The following CHD7 variants were observed in gnomAD, a reference collection of about 807,000 sequenced individuals.
CHD7 encodes the protein chromodomain helicase DNA binding protein 7.
CHD7 carries 24 observed loss-of-function variants against 307.3 expected under a neutral mutation model. The observed-to-expected ratio is 0.08, with a 90% CI of 0.06 to 0.11. The LOEUF is 0.11. Ranked by LOEUF, CHD7 falls within the 10% of genes least tolerant of loss-of-function variation. The pLI, the probability that CHD7 is intolerant of heterozygous loss-of-function variation, is 1.00. For synonymous variants in CHD7, 1,363 were observed against 1,349.9 expected (o/e 1.01, Z -0.21); for missense variants, 3,106 against 3,727.1 (o/e 0.83, Z 4.34).
intron 1 of CHD7, among the ~76,000 whole-genome samples, chr8:60,712,590 A>G (rs1276663829): frequency 6.6e-6 from 1 of 152,166 alleles, no homozygotes; most frequent in Admixed American, 6.5e-5. Flanking sequence ...GTAGTATAGT[A>G]TTTTATTTTA....
At chr8:60,795,250 A>C in intron 4 of CHD7, 123 bp downstream of exon 4, 1 of 910,260 alleles carries the variant, frequency 1.1e-6, no homozygotes, top group Non-Finnish European at 1.6e-6. Flanking sequence ...TCTTTATTGT[A>C]GTCTGGAACA....
intron 9 of CHD7, among the ~76,000 whole-genome samples, chr8:60,820,649 T>C (rs1315666525): frequency 1.3e-5 from 2 of 152,126 alleles, no homozygotes; most frequent in Non-Finnish European, 2.9e-5. Context: ...GACTTCTGAG[T>C]ATTGTGTCTT....
intron 1 of CHD7, among the ~76,000 whole-genome samples, chr8:60,729,562 A>G (rs1487666750): frequency 1.3e-5 from 2 of 152,170 alleles, no homozygotes; most frequent in Non-Finnish European, 2.9e-5. Context: ...TATAGTAGTT[A>G]AACTCATTAA....
Position 60,865,639 on chromosome 8 carries a change from G to A in CHD7, c.8700G>A (p.Pro2900=), listed in dbSNP as rs1320097712. Residue 2900 remains proline, a synonymous_variant, in exon 38 of 38, where the codon CCG becomes CCA. Transcript: ENST00000423902. The surrounding 1 kb of genome is among the most constrained non-coding windows in gnomAD (Gnocchi z 4.3). ...FNPFLLSTMA[P]GLFYPSMFLP... is the part of the protein sequence containing the mutation. ...CTTTCCTCCTGTCCACAATGGCCCC[G>A]GGCCTCTTCTACCCATCCATGTTTC... 15 of 1,611,556 alleles carry A rather than the reference G, an allele frequency of 9.3e-6. No homozygotes were observed. The highest frequency in any genetic ancestry group is 8.0e-5 in the African/African-American group (6 of 74,800).
rs3763591 is a variant in CHD7, at chr8:60,851,830, G to T, written c.5666-189G>T. Among the ~76,000 whole-genome samples the T allele has an allele frequency of 0.62, 94,943 of 151,988 alleles. 30,300 individuals are homozygous for T. Among genetic ancestry groups the T allele is most frequent in the East Asian group, 0.76 (3,929 of 5,178 alleles). On this transcript the variant is annotated intron_variant, in intron 28 of 37. Transcript: ENST00000423902. ...TAATGTTTTCATCCCCTCTAAGGAG[G>T]TAAAAAAGAAATAAGTGTATATATT...
At position 60,742,214 on chromosome 8, in the gene CHD7, C is replaced by G. The variant is rs750844697; in HGVS notation, c.782C>G (p.Ser261Cys). The change falls in exon 2 of 38, where the codon TCT (serine) becomes TGT (cysteine). Residue 261 changes from serine (S) to cysteine (C), a missense_variant. Coordinates refer to ENST00000423902, the MANE Select transcript of CHD7 (RefSeq NM_017780.4). ...HSVQQFHHHPSTALHGESVAH... is the reference protein window; with the variant it reads ...HSVQQFHHHPCTALHGESVAH... Reference sequence around the variant, plus strand: ...GTGCAGCAGTTCCATCACCACCCCTCTACTGCTCTCCATGGAGAATCCGTT... The same window carrying G: ...GTGCAGCAGTTCCATCACCACCCCTGTACTGCTCTCCATGGAGAATCCGTT... The G allele has an allele frequency of 6.2e-7, 1 of 1,613,934 alleles. No homozygotes were observed. Among genetic ancestry groups the G allele is most frequent in the Non-Finnish European group, 8.5e-7 (1 of 1,179,890 alleles).
chr8:60,775,485 A>G lies in CHD7; in HGVS notation c.1666-5515A>G, dbSNP rs192095174. On this transcript the variant is annotated intron_variant, in intron 2 of 37. Transcript: ENST00000423902. ...AATATACTATCTTTTGAAACATTTG[A>G]TAATCAATGTTTTGAGAAAGACAGA... Among the ~76,000 whole-genome samples the G allele has an allele frequency of 2.2e-3, 342 of 152,320 alleles. 1 individual carries two copies. The highest frequency in any genetic ancestry group is 0.016 in the Admixed American group (238 of 15,302).
At chr8:60,849,965 C>A (rs886082917) in intron 25 of CHD7, among the ~76,000 whole-genome samples, 1 of 152,140 alleles carries the variant, frequency 6.6e-6, no homozygotes, top group African/African-American at 2.4e-5. Flanking sequence ...AAGCAAATTG[C>A]AGTTTGAAAA....
intron 1 of CHD7, among the ~76,000 whole-genome samples, chr8:60,713,552 T>C (rs1807395216): frequency 6.6e-6 from 1 of 152,200 alleles, no homozygotes; most frequent in Non-Finnish European, 1.5e-5. Context: ...GATTTTAATT[T>C]GATTTTAGCA....
chr8:60,814,442 T>C (rs1563623449), intron 7 of CHD7, among the ~76,000 whole-genome samples: 1 of 152,222 alleles, frequency 6.6e-6, no homozygotes, highest in Non-Finnish European at 1.5e-5. Flanking sequence ...TATGTGTTTC[T>C]TTTTGTGTGT....
At chr8:60,743,265 C>T (rs1334941593) in intron 2 of CHD7, among the ~76,000 whole-genome samples, 168 bp downstream of exon 2, 1 of 152,232 alleles carries the variant, frequency 6.6e-6, no homozygotes, top group Admixed American at 6.5e-5. Flanking sequence ...ATCAATCTCC[C>T]TGTCCCAGGG....
intron 23 of CHD7, 70 bp downstream of exon 23, chr8:60,845,479 G>A: frequency 6.7e-7 from 1 of 1,500,960 alleles, no homozygotes; most frequent in African/African-American, 1.4e-5. Context: ...CATGCAGCCG[G>A]CCCTTCACGT....
At chr8:60,864,758 G>C in intron 37 of CHD7, 1 of 477,596 alleles carries the variant, frequency 2.1e-6, no homozygotes. Flanking sequence ...ATGATTTCTT[G>C]AGTTAGTTAT....
intron 2 of CHD7, among the ~76,000 whole-genome samples, chr8:60,768,759 A>G (rs915276536): frequency 2.0e-5 from 3 of 152,200 alleles, no homozygotes; most frequent in Non-Finnish European, 4.4e-5. Flanking sequence ...ACTGGACTAG[A>G]TATCAGACGA....
At chr8:60,695,586 C>CAT (rs1393759811) in intron 1 of CHD7, among the ~76,000 whole-genome samples, 1 of 152,120 alleles carries the variant, frequency 6.6e-6, no homozygotes, top group African/African-American at 2.4e-5. Flanking sequence ...TTTAGCAACT[C>CAT]TAATACTTGT....
At chr8:60,852,350 C>T (rs564193941) in intron 29 of CHD7, 103 bp downstream of exon 29, 1 of 1,308,074 alleles carries the variant, frequency 7.6e-7, no homozygotes, top group Non-Finnish European at 1.1e-6. Flanking sequence ...TAGTGACCAC[C>T]AAAGAAAGGC....
chr8:60,718,834 T>C (rs866573202), intron 1 of CHD7, among the ~76,000 whole-genome samples: 1 of 152,240 alleles, frequency 6.6e-6, no homozygotes, highest in African/African-American at 2.4e-5. Context: ...GTTTACAAGC[T>C]CCATTCATGG....
rs779724720 is a variant in CHD7 at position 60,836,301 on chromosome 8, A to C, written c.3989+18A>C. 1 of 1,600,706 alleles carries C rather than the reference A, an allele frequency of 6.2e-7. No individual in the cohort carries two copies. The highest frequency in any genetic ancestry group is 1.1e-5 in the South Asian group (1 of 89,764). On this transcript the variant is annotated intron_variant, in intron 16 of 37. Coordinates refer to ENST00000423902, the MANE Select transcript of CHD7 (RefSeq NM_017780.4). ...CAAAGACGGTGAGGACCACCATATC[A>C]GAATAATAAAAAGGAAATCTAAAAT...
chr8:60,740,057 A>G (rs559655027), intron 1 of CHD7, among the ~76,000 whole-genome samples: 1 of 152,230 alleles, frequency 6.6e-6, no homozygotes, highest in Non-Finnish European at 1.5e-5. Context: ...TTAGTGTTCA[A>G]CAAAAACACT....
Sources: allele counts gnomAD v4.1 joint callset (sites outside exome capture counted in the v4.1 genomes callset), GRCh38; gene constraint gnomAD v4.1.1; non-coding constraint Gnocchi (gnomAD v3.1); transcripts MANE v1.5; gene names NCBI Gene and HGNC (gene_info 2026-07-23, HGNC 2026-07-21).